LAMA2: variants seen among roughly 807,000 people sequenced by gnomAD.
The protein encoded by LAMA2 is laminin subunit alpha-2.
A neutral mutation model predicts 364.8 loss-of-function variants in LAMA2; 269 were observed. That is an observed-to-expected ratio of 0.74 (90% CI 0.67 to 0.82). The LOEUF is 0.82. Among genes scored for constraint, LAMA2 ranks in the 40% least tolerant of loss-of-function variants. LAMA2 has a pLI of 0.00. For synonymous variants in LAMA2, 1,379 were observed against 1,370.6 expected (o/e 1.01, Z -0.14); for missense variants, 3,807 against 3,873.2 (o/e 0.98, Z 0.45).
intron 4 of LAMA2, among the ~76,000 whole-genome samples, chr6:129,104,291 C>A (rs574179486): frequency 1.3e-5 from 2 of 152,290 alleles, no homozygotes; most frequent in South Asian, 4.1e-4. Flanking sequence ...CAGACATGAA[C>A]CACCATGCCT....
At chr6:129,163,618 G>C (rs1258532594) in intron 8 of LAMA2, among the ~76,000 whole-genome samples, 1 of 152,152 alleles carries the variant, frequency 6.6e-6, no homozygotes, top group Middle Eastern at 3.2e-3. Context: ...GGGCAAGAGA[G>C]CGAGACCCTA....
intron 56 of LAMA2, among the ~76,000 whole-genome samples, chr6:129,489,878 G>T (rs1423178385): frequency 6.6e-6 from 1 of 151,696 alleles, no homozygotes; most frequent in Non-Finnish European, 1.5e-5. Flanking sequence ...AAGAAATAGG[G>T]TATAAGTAAT....
intron 1 of LAMA2, among the ~76,000 whole-genome samples, chr6:128,884,133 C>A (rs974588214): frequency 2.6e-5 from 4 of 151,992 alleles, no homozygotes; most frequent in African/African-American, 9.7e-5. Context: ...ATAACTTATT[C>A]TCCTCAGAGC....
Position 129,402,390 on chromosome 6 carries a change from C to G in LAMA2, c.5629C>G (p.Leu1877Val). ...GGAGCTTAATGATAAAATAGATGAC[C>G]TCTCCCAAGAAATAAAGGACAGGAA... is the stretch of plus-strand genomic sequence containing the variant. Reference protein sequence around the residue: ...SEELNDKIDDLSQEIKDRKLA... With the variant: ...SEELNDKIDDVSQEIKDRKLA... Residue 1877 changes from leucine (L) to valine (V), a missense_variant, in exon 39 of 65, where the codon CTC (leucine) becomes GTC (valine). By Grantham distance (32) the Leu-to-Val change is conservative (BLOSUM62 1). Coordinates refer to ENST00000421865, the MANE Select transcript of LAMA2 (RefSeq NM_000426.4). 1 of 1,613,894 alleles carries G rather than the reference C, an allele frequency of 6.2e-7. No homozygotes were observed. Among genetic ancestry groups the G allele is most frequent in the Non-Finnish European group, 8.5e-7 (1 of 1,179,890 alleles).
chr6:129,455,421 G>A (rs1782908918), intron 47 of LAMA2, among the ~76,000 whole-genome samples: 1 of 152,158 alleles, frequency 6.6e-6, no homozygotes, highest in Non-Finnish European at 1.5e-5. Flanking sequence ...CTCATAAAGT[G>A]CAGTTCTTCT....
At chr6:128,924,264 C>T (rs1778944103) in intron 1 of LAMA2, among the ~76,000 whole-genome samples, 1 of 152,030 alleles carries the variant, frequency 6.6e-6, no homozygotes, top group East Asian at 1.9e-4. Flanking sequence ...TAGCTATTAC[C>T]CAAGTCTTTC....
chr6:128,993,470 A>G (rs1387936362), intron 1 of LAMA2, among the ~76,000 whole-genome samples: 1 of 152,170 alleles, frequency 6.6e-6, no homozygotes, highest in Non-Finnish European at 1.5e-5. Flanking sequence ...TACACATGTC[A>G]TTACAGGCTA....
chr6:129,296,598 A>T (rs923370599), intron 20 of LAMA2, among the ~76,000 whole-genome samples: 2 of 152,062 alleles, frequency 1.3e-5, no homozygotes, highest in Non-Finnish European at 2.9e-5. Context: ...ACTACTAACA[A>T]TAATATCTAA....
intron 3 of LAMA2, among the ~76,000 whole-genome samples, chr6:129,088,649 C>T (rs981201901): frequency 2.7e-5 from 4 of 147,232 alleles, no homozygotes; most frequent in East Asian, 2.1e-4. Context: ...AGCTGCCGGG[C>T]GGAGGGGCTC....
chr6:128,940,568 C>A (rs1463922423), intron 1 of LAMA2, among the ~76,000 whole-genome samples: 3 of 152,076 alleles, frequency 2.0e-5, no homozygotes, highest in African/African-American at 7.2e-5. Context: ...AAGATTATAT[C>A]ATATTTTTGT....
intron 7 of LAMA2, among the ~76,000 whole-genome samples, chr6:129,152,275 A>G (rs1778854551): frequency 6.6e-6 from 1 of 152,218 alleles, no homozygotes; most frequent in African/African-American, 2.4e-5. Context: ...AAATATTTGA[A>G]TGCTTATTAT....
At chr6:129,052,544 G>A (rs4534007) in intron 2 of LAMA2, among the ~76,000 whole-genome samples, 76,302 of 151,580 alleles carry the variant, frequency 0.5, 21,176 homozygotes, top group East Asian at 0.8. Flanking sequence ...TATTTCCCCC[G>A]CCCCAACACA....
chr6:129,029,902 C>G (rs1582900905), intron 1 of LAMA2, among the ~76,000 whole-genome samples: 1 of 151,976 alleles, frequency 6.6e-6, no homozygotes, highest in Non-Finnish European at 1.5e-5. Flanking sequence ...AGAGACTTCC[C>G]CCTTCTGTTA....
chr6:129,029,665 GA>G (rs1255783078), intron 1 of LAMA2, among the ~76,000 whole-genome samples: 1 of 151,812 alleles, frequency 6.6e-6, no homozygotes, highest in Non-Finnish European at 1.5e-5. Context: ...TTCATAACTG[GA>G]AAAAAACAGA....
intron 1 of LAMA2, among the ~76,000 whole-genome samples, chr6:128,930,853 A>C (rs1325846301): frequency 6.6e-6 from 1 of 152,188 alleles, no homozygotes; most frequent in Non-Finnish European, 1.5e-5. Context: ...CACAGTGTGC[A>C]TCTCAACTTC....
At chr6:128,963,732 C>T (rs573470719) in intron 1 of LAMA2, among the ~76,000 whole-genome samples, 4 of 152,164 alleles carry the variant, frequency 2.6e-5, no homozygotes, top group African/African-American at 7.2e-5. Context: ...ATGGCCAAAA[C>T]GTCCACAAAT....
intron 1 of LAMA2, among the ~76,000 whole-genome samples, chr6:128,921,697 G>GTTTTTTTTTTTTTTTTTTTTTTTTT (rs547882651): frequency 6.8e-5 from 8 of 118,030 alleles, no homozygotes; most frequent in African/African-American, 3.0e-4. Flanking sequence ...ATGAATGTCT[G>GTTTTTTTTTTTTTTTTTTTTTTTTT]TTTTTTTTTT....
chr6:129,207,047 A>G (rs1782724186), intron 12 of LAMA2, among the ~76,000 whole-genome samples: 1 of 152,236 alleles, frequency 6.6e-6, no homozygotes, highest in African/African-American at 2.4e-5. Flanking sequence ...GCCTTGAATC[A>G]TGAGGCCATT....
At chr6:129,152,395 G>A (rs1210217070) in intron 7 of LAMA2, among the ~76,000 whole-genome samples, 1 of 152,066 alleles carries the variant, frequency 6.6e-6, no homozygotes, top group African/African-American at 2.4e-5. Flanking sequence ...GTTCCTGGAG[G>A]GGAATTTTTT....
Sources: allele counts gnomAD v4.1 joint callset (sites outside exome capture counted in the v4.1 genomes callset), GRCh38; gene constraint gnomAD v4.1.1; transcripts MANE v1.5; gene names NCBI Gene and HGNC (gene_info 2026-07-23, HGNC 2026-07-21).